The following KIF13B variants were observed in gnomAD, a reference collection of about 807,000 sequenced individuals.
The protein encoded by KIF13B is kinesin-like protein KIF13B.
KIF13B carries 127 observed loss-of-function variants against 222.0 expected under a neutral mutation model. The ratio of observed to expected loss-of-function variants is 0.57; its 90% CI spans 0.50 to 0.66. The LOEUF (loss-of-function observed/expected upper bound fraction) is 0.66, where lower values mean the gene tolerates loss of function less well. Among genes scored for constraint, KIF13B ranks in the 30% least tolerant of loss-of-function variants. KIF13B has a pLI of 0.00. For synonymous variants in KIF13B, 976 were observed against 919.0 expected (o/e 1.06, Z -1.12); for missense variants, 2,173 against 2,379.0 (o/e 0.91, Z 1.80).
chr8:29,099,734 A>AC (rs1197645728), intron 35 of KIF13B, among the ~76,000 whole-genome samples: 11 of 151,838 alleles, frequency 7.2e-5, no homozygotes, highest in East Asian at 1.9e-4. Flanking sequence ...TAATAATCAT[A>AC]CCCCCCCACA....
intron 31 of KIF13B, among the ~76,000 whole-genome samples, chr8:29,114,550 T>A (rs1206044893): frequency 6.6e-6 from 1 of 152,158 alleles, no homozygotes; most frequent in Non-Finnish European, 1.5e-5. Flanking sequence ...TACCTTTTGG[T>A]TTTCCATTTG....
At chr8:29,135,284 A>C (rs1016819302) in intron 21 of KIF13B, among the ~76,000 whole-genome samples, 2 of 152,064 alleles carry the variant, frequency 1.3e-5, no homozygotes, top group South Asian at 4.2e-4. Context: ...AGCTCAAGTG[A>C]TCCTCCTGCC....
chr8:29,168,271 C>T (rs1032261979), intron 10 of KIF13B, among the ~76,000 whole-genome samples: 9 of 152,228 alleles, frequency 5.9e-5, no homozygotes, highest in African/African-American at 1.4e-4. Context: ...TACAGTGAAA[C>T]GGCTTTAGGA....
chr8:29,077,292 G>A (rs764988069), intron 37 of KIF13B, among the ~76,000 whole-genome samples: 7 of 152,120 alleles, frequency 4.6e-5, no homozygotes, highest in East Asian at 1.9e-4. Flanking sequence ...TGCTCTCCAC[G>A]GCCCCGCCTA....
chr8:29,215,572 G>A (rs1814439660), intron 2 of KIF13B, among the ~76,000 whole-genome samples: 1 of 152,130 alleles, frequency 6.6e-6, no homozygotes, highest in South Asian at 2.1e-4. Context: ...TGCGTCTGTT[G>A]TCCCAGCTAC....
chr8:29,234,039 A>C (rs972471875), intron 2 of KIF13B, among the ~76,000 whole-genome samples: 1 of 152,214 alleles, frequency 6.6e-6, no homozygotes, highest in African/African-American at 2.4e-5. Context: ...TCATGTCAAC[A>C]ATTAGGGAAT....
intron 1 of KIF13B, 99 bp downstream of exon 1, chr8:29,262,881 T>G: frequency 8.5e-6 from 8 of 936,332 alleles, no homozygotes; most frequent in Non-Finnish European, 1.2e-5. Context: ...CCGCTGACTA[T>G]AGGGGCGGGG....
At chr8:29,097,047 C>T (rs971625935) in intron 36 of KIF13B, among the ~76,000 whole-genome samples, 3 of 152,124 alleles carry the variant, frequency 2.0e-5, no homozygotes, top group African/African-American at 7.2e-5. Flanking sequence ...GGGGAAATAA[C>T]TGGACCCAAC....
intron 4 of KIF13B, chr8:29,189,586 A>T (rs1813085032): frequency 6.6e-6 from 1 of 152,234 alleles, no homozygotes; most frequent in South Asian, 2.1e-4. Flanking sequence ...AAATTTAGAG[A>T]GAATATGGCA....
chr8:29,120,261 G>A (rs1157584726), intron 29 of KIF13B, among the ~76,000 whole-genome samples: 1 of 118,948 alleles, frequency 8.4e-6, no homozygotes, highest in Non-Finnish European at 1.7e-5. Context: ...CATGTGCCAT[G>A]CTGGTGCGCT....
Position 29,183,168 on chromosome 8 carries a change from G to GTTTT in KIF13B, c.498-1166_498-1163dup, listed in dbSNP as rs58034349. On this transcript the variant is annotated intron_variant, in intron 6 of 39. Transcript: ENST00000524189. ...TAATAAATTATAATCCTTAAAGTTTGTTTTTTTTTTTTTTTTTTTCCAATG... is the reference window on the plus strand; with the variant it reads ...TAATAAATTATAATCCTTAAAGTTTGTTTTTTTTTTTTTTTTTTTTTTTCCAATG... Among the ~76,000 whole-genome samples, 19 of 117,672 alleles carry GTTTT rather than the reference G, an allele frequency of 1.6e-4. 1 individual carries two copies. The highest frequency in any genetic ancestry group is 2.9e-4 in the South Asian group (1 of 3,502). The allele number at this position is 117,672 out of a possible 152,430, so 77.2% of individuals were successfully genotyped here.
intron 23 of KIF13B, 99 bp downstream of exon 23, chr8:29,132,209 G>T: frequency 2.2e-6 from 2 of 896,308 alleles, no homozygotes; most frequent in Non-Finnish European, 3.1e-6. Context: ...TCGTGCCACT[G>T]CACTCCAGCC....
intron 15 of KIF13B, 111 bp from the exon 16 acceptor site, chr8:29,148,878 G>C (rs1811179346): frequency 2.6e-6 from 2 of 765,900 alleles, no homozygotes; most frequent in Non-Finnish European, 2.1e-6. Flanking sequence ...GTAAGTACAA[G>C]GCAATTACTG....
chr8:29,262,907 C>T (rs1816740516), intron 1 of KIF13B, 73 bp downstream of exon 1: 9 of 1,299,606 alleles, frequency 6.9e-6, no homozygotes, highest in South Asian at 1.4e-5. Flanking sequence ...GGACCCCCCA[C>T]GGCGGCCGAG....
chr8:29,207,409 C>A (rs1813999730), intron 2 of KIF13B, among the ~76,000 whole-genome samples: 1 of 152,176 alleles, frequency 6.6e-6, no homozygotes, highest in Non-Finnish European at 1.5e-5. Flanking sequence ...CTATATTGCC[C>A]TCTCTGTGAC....
intron 8 of KIF13B, among the ~76,000 whole-genome samples, chr8:29,179,048 T>A (rs1389340661): frequency 2.0e-5 from 3 of 152,110 alleles, no homozygotes; most frequent in Non-Finnish European, 1.5e-5. Context: ...ATAGTACAAT[T>A]GCCCCAGTGT....
At chr8:29,116,525 C>T (rs955883750) in intron 31 of KIF13B, among the ~76,000 whole-genome samples, 1 of 152,094 alleles carries the variant, frequency 6.6e-6, no homozygotes, top group South Asian at 2.1e-4. Context: ...TTGACAGGGC[C>T]CAGATGAAAA....
intron 1 of KIF13B, among the ~76,000 whole-genome samples, chr8:29,255,233 G>C (rs1398418443): frequency 6.6e-6 from 1 of 152,154 alleles, no homozygotes; most frequent in Admixed American, 6.5e-5. Context: ...ACAAGTCTGT[G>C]AGTAAACTAA....
chr8:29,101,443 G>T (rs904395759), intron 35 of KIF13B, among the ~76,000 whole-genome samples: 5 of 152,166 alleles, frequency 3.3e-5, no homozygotes, highest in Non-Finnish European at 2.9e-5. Context: ...CACCTGGGCT[G>T]CTTGACGTAG....
Sources: gnomAD v4.1 joint callset for allele counts (sites outside exome capture counted in the v4.1 genomes callset) on GRCh38, gnomAD v4.1.1 for gene constraint, MANE v1.5 for transcripts, NCBI Gene and HGNC (gene_info 2026-07-23, HGNC 2026-07-21) for gene names.